Variants in RNF144A observed in about 807,000 individuals in gnomAD.
RNF144A encodes E3 ubiquitin-protein ligase RNF144A.
A neutral mutation model predicts 38.7 loss-of-function variants in RNF144A; 11 were observed. That is an observed-to-expected ratio of 0.28 (90% CI 0.18 to 0.47). The LOEUF (loss-of-function observed/expected upper bound fraction) is 0.47. Ranked by LOEUF, RNF144A falls within the 20% of genes least tolerant of loss-of-function variation. The pLI is 0.99. For missense variants in RNF144A, 316 were observed against 377.2 expected (o/e 0.84, Z 1.34); for synonymous variants, 149 against 143.9 (o/e 1.04, Z -0.25).
At chr2:6,951,564 A>G (rs886647338) in intron 2 of RNF144A, among the ~76,000 whole-genome samples, 4 of 152,240 alleles carry the variant, frequency 2.6e-5, no homozygotes, top group Non-Finnish European at 5.9e-5. Flanking sequence ...AAGAATTGGC[A>G]TATTCTGGGA....
intron 2 of RNF144A, among the ~76,000 whole-genome samples, chr2:6,993,926 C>T (rs1048375725): frequency 6.6e-6 from 1 of 152,092 alleles, no homozygotes; most frequent in East Asian, 1.9e-4. Flanking sequence ...CTTCTTACTT[C>T]TCACTCACTC....
intron 1 of RNF144A, among the ~76,000 whole-genome samples, chr2:6,940,718 T>C (rs1211221477): frequency 6.6e-6 from 1 of 152,206 alleles, no homozygotes; most frequent in Non-Finnish European, 1.5e-5. Context: ...CAGTTTGTTA[T>C]CTCAGAATTG....
chr2:7,030,820 C>T, intron 8 of RNF144A, among the ~76,000 whole-genome samples: 1 of 151,942 alleles, frequency 6.6e-6, no homozygotes, highest in East Asian at 1.9e-4. Flanking sequence ...AACTCACTAT[C>T]ATGTAGAATC....
downstream of RNF144A, among the ~76,000 whole-genome samples, chr2:7,044,700 C>T (rs1411425597): frequency 6.6e-6 from 1 of 152,184 alleles, no homozygotes; most frequent in African/African-American, 2.4e-5. Flanking sequence ...GGTGGTTCAC[C>T]TTGATTTTCA....
At position 6,943,812 on chromosome 2, in the gene RNF144A, T is replaced by C. The variant is rs1412056216; in HGVS notation, c.-12+2665T>C. Among the ~76,000 whole-genome samples, 1 of 152,090 alleles carries C rather than the reference T, an allele frequency of 6.6e-6. No homozygotes were observed. The highest frequency in any genetic ancestry group is 3.2e-3 in the Middle Eastern group (1 of 316). On this transcript the variant is annotated intron_variant, in intron 2 of 8. Transcript: ENST00000320892. This position sits in a 1 kb window ranked among gnomAD's most constrained non-coding sequence, Gnocchi z 4.3. ...AGTCAAAGCCAGCATCTGAGCATGC[T>C]ACATGGAGAGGGATTGGAAGTTTGC...
intron 6 of RNF144A, among the ~76,000 whole-genome samples, chr2:7,060,057 A>G (rs1272460629): frequency 6.6e-6 from 1 of 152,146 alleles, no homozygotes; most frequent in African/African-American, 2.4e-5. Flanking sequence ...GTGTCTTGAA[A>G]CGTTATCCAT....
intron 6 of RNF144A, among the ~76,000 whole-genome samples, chr2:7,021,270 GTGGTTCTGC>G (rs1180400213): frequency 6.6e-6 from 1 of 152,112 alleles, no homozygotes; most frequent in Non-Finnish European, 1.5e-5. Flanking sequence ...ACAAGGTCAC[GTGGTTCTGC>G]TGGACACTTG....
At chr2:6,968,304 G>A in intron 2 of RNF144A, among the ~76,000 whole-genome samples, 1 of 152,238 alleles carries the variant, frequency 6.6e-6, no homozygotes, top group East Asian at 1.9e-4. Context: ...AGGATGAGTT[G>A]CAAGTTAAAA....
chr2:7,047,370 G>A (rs1451640518), downstream of RNF144A, among the ~76,000 whole-genome samples: 3 of 152,198 alleles, frequency 2.0e-5, no homozygotes, highest in East Asian at 1.9e-4. Context: ...GGAAGAAAAA[G>A]AGGCTTAATT....
chr2:6,959,476 C>G (rs1667203893), intron 2 of RNF144A, among the ~76,000 whole-genome samples: 1 of 152,150 alleles, frequency 6.6e-6, no homozygotes, highest in Non-Finnish European at 1.5e-5. Context: ...AATAGAGTAT[C>G]TGAGACTGGG....
At chr2:7,060,805 G>A (rs912025700) in intron 6 of RNF144A, among the ~76,000 whole-genome samples, 3 of 152,096 alleles carry the variant, frequency 2.0e-5, no homozygotes, top group South Asian at 2.1e-4. Context: ...TGACCCCATC[G>A]CCCCTGCAAC....
intron 2 of RNF144A, among the ~76,000 whole-genome samples, chr2:6,964,426 T>C (rs991033069): frequency 2.0e-5 from 3 of 152,190 alleles, no homozygotes; most frequent in African/African-American, 7.2e-5. Context: ...TCCTCAGGGA[T>C]CTAGAACTAG....
rs750341859 is a variant in RNF144A at position 7,036,715 on chromosome 2, C to G, written c.748-2914C>G. On this transcript the variant is annotated intron_variant, in intron 8 of 8. Transcript: ENST00000320892. ...TACTGTGATTCTGAACTTGTCTGTG[C>G]CACCTTCAGTTACCTAGTTTCAGTG... 6.4e-4 allele frequency among the ~76,000 whole-genome samples: 97 copies of G among 152,286 alleles called. 1 individual carries two copies. The highest frequency in any genetic ancestry group is 3.4e-3 in the Middle Eastern group (1 of 294).
chr2:7,045,738 G>A (rs61744851), downstream of RNF144A, among the ~76,000 whole-genome samples: 529 of 152,324 alleles, frequency 3.5e-3, 2 homozygotes, highest in African/African-American at 0.012. Context: ...CGGACTCTGA[G>A]TGGGCTGTCT....
intron 6 of RNF144A, among the ~76,000 whole-genome samples, chr2:7,063,980 G>C (rs1674085504): frequency 6.6e-6 from 1 of 152,174 alleles, no homozygotes; most frequent in South Asian, 2.1e-4. Flanking sequence ...CATCTGTTGA[G>C]GGTACCCATG....
At chr2:6,952,986 TTTTA>T in intron 2 of RNF144A, among the ~76,000 whole-genome samples, 1 of 152,302 alleles carries the variant, frequency 6.6e-6, no homozygotes, top group African/African-American at 2.4e-5. Flanking sequence ...TTACTTTGTG[TTTTA>T]TTTATTTTTG....
chr2:7,037,303 C>G (rs866485920), intron 8 of RNF144A, among the ~76,000 whole-genome samples: 1 of 152,128 alleles, frequency 6.6e-6, no homozygotes, highest in African/African-American at 2.4e-5. Flanking sequence ...GAGTGAAAAG[C>G]GAAGATGGTG....
At chr2:7,071,206 G>A (rs1464194523), downstream of RNF144A, among the ~76,000 whole-genome samples, 1 of 152,156 alleles carries the variant, frequency 6.6e-6, no homozygotes, top group Non-Finnish European at 1.5e-5. Flanking sequence ...AAAGTGCAGG[G>A]ATTACAGGCA....
chr2:6,998,584 T>G (rs1669908072), intron 3 of RNF144A, among the ~76,000 whole-genome samples: 3 of 152,222 alleles, frequency 2.0e-5, no homozygotes. Context: ...AAATGAAGTG[T>G]ATTGATCTCA....
Sources: allele counts gnomAD v4.1 joint callset (sites outside exome capture counted in the v4.1 genomes callset), GRCh38; gene constraint gnomAD v4.1.1; non-coding constraint Gnocchi (gnomAD v3.1); transcripts MANE v1.5; gene names NCBI Gene and HGNC (gene_info 2026-07-23, HGNC 2026-07-21).